Variants in SMYD3 observed in about 807,000 individuals in gnomAD.
The protein encoded by SMYD3 is histone-lysine N-methyltransferase SMYD3.
In SMYD3, 36 loss-of-function variants were observed where a neutral mutation model predicts 57.7. The ratio of observed to expected loss-of-function variants is 0.62; its 90% CI spans 0.48 to 0.82. SMYD3 has a LOEUF of 0.82. SMYD3 is among the 40% of genes least tolerant of loss of function. SMYD3 has a pLI of 0.00. For missense variants in SMYD3, 515 were observed against 538.8 expected (o/e 0.96, Z 0.44); for synonymous variants, 211 against 195.0 (o/e 1.08, Z -0.68).
At chr1:245,893,823 A>G (rs2053556512) in intron 8 of SMYD3, among the ~76,000 whole-genome samples, 1 of 152,192 alleles carries the variant, frequency 6.6e-6, no homozygotes, top group South Asian at 2.1e-4. Flanking sequence ...TGTACACTAA[A>G]AAGGGTGAAT....
chr1:246,346,425 A>G (rs915297177), intron 2 of SMYD3, among the ~76,000 whole-genome samples: 3 of 152,198 alleles, frequency 2.0e-5, no homozygotes, highest in Admixed American at 1.3e-4. Flanking sequence ...GACATACTGT[A>G]TTAGTACATT....
intron 5 of SMYD3, among the ~76,000 whole-genome samples, chr1:246,173,356 A>G (rs1273567443): frequency 6.6e-6 from 1 of 152,260 alleles, no homozygotes; most frequent in East Asian, 1.9e-4. Context: ...GACTTTATCA[A>G]CGCTGTACAC....
rs185806207 is a variant in SMYD3 at position 246,119,788 on chromosome 1, C to G, written c.532-189851G>C. Among the ~76,000 whole-genome samples the G allele has an allele frequency of 1.8e-4, 27 of 152,316 alleles. 1 individual carries two copies. The highest frequency in any genetic ancestry group is 6.8e-3 in the Middle Eastern group (2 of 294). ...CCCTGCTGCCTCGCCAGTTTCATCT[C>G]CTGCCATGTACGACATACACTATTT... On this transcript the variant is annotated intron_variant, in intron 5 of 11. Transcript: ENST00000490107.
At chr1:246,177,781 C>A (rs574848185) in intron 5 of SMYD3, among the ~76,000 whole-genome samples, 15 of 152,226 alleles carry the variant, frequency 9.9e-5, no homozygotes, top group Admixed American at 3.9e-4. Flanking sequence ...ATGATTAGTA[C>A]ATAGAAAAGT....
chr1:246,463,059 T>C (rs1283130951), intron 1 of SMYD3, among the ~76,000 whole-genome samples: 1 of 150,702 alleles, frequency 6.6e-6, no homozygotes, highest in Non-Finnish European at 1.5e-5. Flanking sequence ...TGCAATGAGA[T>C]TGAGAAAAGG....
chr1:245,822,054 C>A (rs1457447606), intron 10 of SMYD3, among the ~76,000 whole-genome samples: 1 of 152,002 alleles, frequency 6.6e-6, no homozygotes, highest in Non-Finnish European at 1.5e-5. Context: ...TGGGTATATA[C>A]CCAAAGGATT....
chr1:245,790,376 G>A (rs2047218625), intron 10 of SMYD3, among the ~76,000 whole-genome samples: 2 of 152,214 alleles, frequency 1.3e-5, no homozygotes, highest in African/African-American at 4.8e-5. Context: ...ATCAACCCCA[G>A]TGATGAATGG....
chr1:246,309,834 G>A (rs2065045490), intron 5 of SMYD3, among the ~76,000 whole-genome samples: 1 of 152,102 alleles, frequency 6.6e-6, no homozygotes, highest in South Asian at 2.1e-4. Context: ...AGAATCTGGT[G>A]AACTCCATTT....
At chr1:246,066,165 T>G (rs1016590668) in intron 5 of SMYD3, among the ~76,000 whole-genome samples, 12 of 152,218 alleles carry the variant, frequency 7.9e-5, no homozygotes, top group African/African-American at 2.4e-4. Flanking sequence ...ATTTGAACTT[T>G]GGGATGAAAA....
chr1:246,059,443 G>A (rs937749486), intron 5 of SMYD3, among the ~76,000 whole-genome samples: 2 of 152,138 alleles, frequency 1.3e-5, no homozygotes, highest in African/African-American at 4.8e-5. Flanking sequence ...ACAGAGATAT[G>A]ACCAACTGGA....
At chr1:246,427,574 A>G (rs970458730) in intron 1 of SMYD3, among the ~76,000 whole-genome samples, 3 of 152,080 alleles carry the variant, frequency 2.0e-5, no homozygotes, top group African/African-American at 7.2e-5. Context: ...TTTAAGAAAG[A>G]TTAAGCAGGC....
chr1:246,312,945 C>G (rs765882185), intron 5 of SMYD3, among the ~76,000 whole-genome samples: 1 of 152,050 alleles, frequency 6.6e-6, no homozygotes, highest in South Asian at 2.1e-4. Context: ...GACCGAGTCT[C>G]GCTCTATTAC....
intron 10 of SMYD3, among the ~76,000 whole-genome samples, chr1:245,793,641 C>T (rs940587078): frequency 3.3e-5 from 5 of 151,800 alleles, no homozygotes; most frequent in Non-Finnish European, 7.4e-5. Flanking sequence ...CTGCTCTGCC[C>T]AGTGCCCCCC....
intron 5 of SMYD3, among the ~76,000 whole-genome samples, chr1:246,210,223 C>A (rs2063064718): frequency 6.6e-6 from 1 of 152,134 alleles, no homozygotes; most frequent in South Asian, 2.1e-4. Flanking sequence ...GAGTCACAGT[C>A]CTAAGAGGAT....
At chr1:246,253,040 C>G (rs2148503502) in intron 5 of SMYD3, among the ~76,000 whole-genome samples, 1 of 152,252 alleles carries the variant, frequency 6.6e-6, no homozygotes, top group Non-Finnish European at 1.5e-5. Flanking sequence ...AATTTCAGCT[C>G]AAAAGTACTT....
At chr1:245,806,638 C>T (rs917127397) in intron 10 of SMYD3, among the ~76,000 whole-genome samples, 36 of 152,038 alleles carry the variant, frequency 2.4e-4, no homozygotes, top group African/African-American at 4.6e-4. Flanking sequence ...AGGCCGGGCG[C>T]GGTGGCTCAC....
intron 1 of SMYD3, among the ~76,000 whole-genome samples, chr1:246,491,558 AAAGAG>A (rs1436970179): frequency 5.4e-5 from 8 of 147,906 alleles, no homozygotes; most frequent in Admixed American, 6.7e-5. Flanking sequence ...AAAAAAAAAA[AAAGAG>A]AGAGAAATAA....
chr1:245,970,556 T>C (rs1377636460), intron 5 of SMYD3, among the ~76,000 whole-genome samples: 1 of 151,974 alleles, frequency 6.6e-6, no homozygotes, highest in Non-Finnish European at 1.5e-5. Flanking sequence ...TTGCCATCTA[T>C]CCATATGACA....
intron 5 of SMYD3, among the ~76,000 whole-genome samples, chr1:246,085,757 A>C (rs557932726): frequency 3.3e-5 from 5 of 152,238 alleles, no homozygotes; most frequent in African/African-American, 1.2e-4. Context: ...AACTTGAATA[A>C]ATTTCTAATA....
Sources: allele counts gnomAD v4.1 joint callset (sites outside exome capture counted in the v4.1 genomes callset), GRCh38; gene constraint gnomAD v4.1.1; transcripts MANE v1.5; gene names NCBI Gene and HGNC (gene_info 2026-07-23, HGNC 2026-07-21).